Variants in PPP3CC observed in about 807,000 individuals in gnomAD.
PPP3CC encodes serine/threonine-protein phosphatase 2B catalytic subunit gamma isoform.
A neutral mutation model predicts 60.3 loss-of-function variants in PPP3CC; 35 were observed. The observed-to-expected ratio is 0.58, with a 90% CI of 0.44 to 0.77. The LOEUF is 0.77. Among genes scored for constraint, PPP3CC ranks in the 30% least tolerant of loss-of-function variants. The pLI is 0.00. For synonymous variants in PPP3CC, 206 were observed against 224.3 expected (o/e 0.92, Z 0.73); for missense variants, 570 against 628.9 (o/e 0.91, Z 1.00).
chr8:22,511,178 T>G lies in PPP3CC; in HGVS notation c.577T>G (p.Cys193Gly). The change falls in exon 5 of 14, where the codon TGT becomes GGT. Residue 193 changes from cysteine to glycine, a missense_variant. Coordinates refer to ENST00000240139, the MANE Select transcript of PPP3CC (RefSeq NM_005605.5). The stretch of plus-strand genomic sequence containing the variant: ...TGCCCTCTTAAACCAGCAGTTTCTC[T>G]GTGTACATGGAGGAATGTCACCTGA... ...LAALLNQQFL[C>G]VHGGMSPEIT... 1.2e-6 allele frequency: 2 copies of G among 1,613,882 alleles called. No individual in the cohort carries two copies. Among genetic ancestry groups the G allele is most frequent in the Non-Finnish European group, 8.5e-7 (1 of 1,179,724 alleles).
intron 3 of PPP3CC, 42 bp from the exon 4 acceptor site, chr8:22,497,959 A>T: frequency 7.4e-7 from 1 of 1,355,060 alleles, no homozygotes; most frequent in Non-Finnish European, 1.0e-6. Flanking sequence ...TATGCATTAT[A>T]ATGGTCACAA....
At chr8:22,443,736 G>A (rs1013721049) in intron 1 of PPP3CC, among the ~76,000 whole-genome samples, 18 of 152,152 alleles carry the variant, frequency 1.2e-4, no homozygotes, top group African/African-American at 3.9e-4. Flanking sequence ...TAAAAACTTC[G>A]GCATAAGAGC....
At chr8:22,527,344 C>A in intron 8 of PPP3CC, 48 bp from the exon 9 acceptor site, 1 of 1,599,016 alleles carries the variant, frequency 6.3e-7, no homozygotes, top group South Asian at 1.1e-5. Flanking sequence ...TACCACTTGC[C>A]ATGCCATGTT....
Position 22,534,558 on chromosome 8 carries a change from G to A in PPP3CC, c.1321+1540G>A, listed in dbSNP as rs180725619. Among the ~76,000 whole-genome samples the A allele has an allele frequency of 3.8e-3, 584 of 152,302 alleles. 2 individuals are homozygous for A. Among genetic ancestry groups the A allele is most frequent in the Non-Finnish European group, 6.2e-3 (423 of 68,034 alleles). ...TACTGGGCAGTAAAGCTAAACATAT[G>A]TCTACCCTGTAACCCAGCAGTTCCA... On this transcript the variant is annotated intron_variant, in intron 12 of 13. Transcript: ENST00000240139.
In PPP3CC at chr8:22,539,513, C is replaced by T; in HGVS notation, c.1351+15C>T. The T allele has an allele frequency of 6.2e-7, 1 of 1,612,960 alleles. No homozygotes were observed. Among genetic ancestry groups the T allele is most frequent in the Non-Finnish European group, 8.5e-7 (1 of 1,179,258 alleles). ...GGCCCGGGAAGGTATGGCCATATTA[C>T]TCTGATAGATGTGATCCATGTGTCT... On this transcript the variant is annotated intron_variant, in intron 13 of 13. Transcript: ENST00000240139.
Position 22,499,415 on chromosome 8 carries a change from C to T in PPP3CC, c.484+1303C>T, listed in dbSNP as rs184152026. On this transcript the variant is annotated intron_variant, in intron 4 of 13. Coordinates refer to ENST00000240139, the MANE Select transcript of PPP3CC (RefSeq NM_005605.5). The stretch of plus-strand genomic sequence containing the variant: ...GATTGCGCCACTGCAGTCCGCAGTC[C>T]GGCCTGGGCAACAGAGCAAGACTCC... 1.4e-3 allele frequency among the ~76,000 whole-genome samples: 215 copies of T among 149,628 alleles called. 3 individuals carry two copies. Among genetic ancestry groups the T allele is most frequent in the African/African-American group, 5.0e-3 (202 of 40,520 alleles).
chr8:22,465,516 G>C (rs1036790342), intron 1 of PPP3CC, among the ~76,000 whole-genome samples: 3 of 152,138 alleles, frequency 2.0e-5, no homozygotes, highest in Admixed American at 2.0e-4. Context: ...AGGTGTTTAG[G>C]TCATGAAGCC....
At chr8:22,528,834 C>T (rs1019023123) in intron 10 of PPP3CC, among the ~76,000 whole-genome samples, 5 of 152,126 alleles carry the variant, frequency 3.3e-5, no homozygotes, top group Admixed American at 3.3e-4. Context: ...ACATAGCTTT[C>T]CTCTGTAGTA....
chr8:22,491,164 A>G (rs1158930661), intron 3 of PPP3CC, among the ~76,000 whole-genome samples: 1 of 152,170 alleles, frequency 6.6e-6, no homozygotes, highest in Non-Finnish European at 1.5e-5. Context: ...TAAATCTACC[A>G]TGATTTAATG....
At chr8:22,532,520 G>T (rs1839744262) in intron 11 of PPP3CC, among the ~76,000 whole-genome samples, 1 of 152,214 alleles carries the variant, frequency 6.6e-6, no homozygotes, top group African/African-American at 2.4e-5. Flanking sequence ...TAGTGGTTTA[G>T]TGTGGACTTT....
intron 8 of PPP3CC, among the ~76,000 whole-genome samples, chr8:22,523,262 A>G (rs1839456647): frequency 2.6e-5 from 4 of 152,160 alleles, no homozygotes; most frequent in South Asian, 4.1e-4. Flanking sequence ...AGTGAGTCAC[A>G]TTATCTTTCT....
chr8:22,484,117 G>T (rs753718856), intron 3 of PPP3CC, among the ~76,000 whole-genome samples: 26 of 151,956 alleles, frequency 1.7e-4, no homozygotes, highest in Non-Finnish European at 3.2e-4. Context: ...AAAGTGCTAG[G>T]ATTACAGGCA....
intron 3 of PPP3CC, among the ~76,000 whole-genome samples, chr8:22,489,272 A>G (rs542075105): frequency 1.3e-5 from 2 of 152,184 alleles, no homozygotes; most frequent in East Asian, 3.9e-4. Context: ...GGAAAGTCTC[A>G]GTTGAATTGA....
At chr8:22,462,506 T>C (rs762455407) in intron 1 of PPP3CC, among the ~76,000 whole-genome samples, 3 of 152,218 alleles carry the variant, frequency 2.0e-5, no homozygotes, top group Non-Finnish European at 2.9e-5. Context: ...TGAATGTTTA[T>C]AAAGCTTTGA....
At chr8:22,454,072 G>A (rs910464082) in intron 1 of PPP3CC, among the ~76,000 whole-genome samples, 2 of 152,162 alleles carry the variant, frequency 1.3e-5, no homozygotes, top group Non-Finnish European at 2.9e-5. Flanking sequence ...TTAGCTTACT[G>A]TAACTTTTAC....
At chr8:22,475,958 G>A (rs1837876390) in intron 3 of PPP3CC, among the ~76,000 whole-genome samples, 1 of 152,136 alleles carries the variant, frequency 6.6e-6, no homozygotes. Context: ...TAGATTAGCT[G>A]ACCTTAATTA....
At chr8:22,531,379 A>G (rs1307531914) in intron 10 of PPP3CC, 3 of 1,474,636 alleles carry the variant, frequency 2.0e-6, no homozygotes, top group Admixed American at 2.0e-5. Context: ...CTGTCCCACC[A>G]TAGTCTATTG....
At chr8:22,469,965 T>G (rs372325338) in intron 1 of PPP3CC, among the ~76,000 whole-genome samples, 1 of 33,726 alleles carries the variant, frequency 3.0e-5, no homozygotes, top group African/African-American at 2.7e-4. Context: ...CTCAAAGACA[T>G]ATATATATAT....
rs760326256 is a variant in PPP3CC, at chr8:22,498,058, C to T, written c.430C>T (p.Arg144Trp). ...TCATCCCAAAACATTGTTTCTGCTT[C>T]GGGGAAATCATGAATGCAGGCATCT... Reference protein sequence around the residue: ...INHPKTLFLLRGNHECRHLTD... With the variant: ...INHPKTLFLLWGNHECRHLTD... The change falls in exon 4 of 14, where the codon CGG (arginine) becomes TGG (tryptophan). Residue 144 changes from arginine (R) to tryptophan (W), a missense_variant. Physicochemically the swap from Arg to Trp is moderately radical, Grantham distance 101. Transcript: ENST00000240139. The T allele has an allele frequency of 9.9e-6, 16 of 1,613,200 alleles. No individual in the cohort carries two copies. Among genetic ancestry groups the T allele is most frequent in the East Asian group, 4.5e-5 (2 of 44,808 alleles).
Sources: gnomAD v4.1 joint callset for allele counts (sites outside exome capture counted in the v4.1 genomes callset) on GRCh38, gnomAD v4.1.1 for gene constraint, MANE v1.5 for transcripts, NCBI Gene and HGNC (gene_info 2026-07-23, HGNC 2026-07-21) for gene names.